The following SETX variants were observed in gnomAD, a reference collection of about 807,000 sequenced individuals.
SETX encodes helicase senataxin.
SETX carries 90 observed loss-of-function variants against 227.2 expected under a neutral mutation model. The observed-to-expected ratio is 0.40, with a 90% CI of 0.33 to 0.47. SETX has a LOEUF of 0.47. Among genes scored for constraint, SETX ranks in the 20% least tolerant of loss-of-function variants. The pLI is 0.91. For missense variants in SETX, 3,052 were observed against 3,181.5 expected, an observed-to-expected ratio of 0.96 and a Z score of 0.98; for synonymous variants, 1,210 against 1,113.2, an observed-to-expected ratio of 1.09 and a Z score of -1.73.
At chr9:132,340,105 T>A (rs2131526536) in intron 5 of SETX, among the ~76,000 whole-genome samples, 1 of 152,314 alleles carries the variant, frequency 6.6e-6, no homozygotes. Context: ...CTCTTGGCTG[T>A]ACCCACTGTA....
intron 25 of SETX, among the ~76,000 whole-genome samples, chr9:132,269,015 C>T (rs1842776222): frequency 6.6e-6 from 1 of 152,228 alleles, no homozygotes; most frequent in Admixed American, 6.5e-5. Flanking sequence ...ATGAGGAAAA[C>T]TACAAAGTTA....
chr9:132,304,291 A>G (rs1002166030), intron 11 of SETX, among the ~76,000 whole-genome samples: 3 of 152,190 alleles, frequency 2.0e-5, no homozygotes, highest in African/African-American at 7.2e-5. Flanking sequence ...TCTGAGGGAC[A>G]AGAGAAGAAG....
intron 10 of SETX, among the ~76,000 whole-genome samples, chr9:132,312,774 A>T (rs1845740151): frequency 6.6e-6 from 1 of 152,236 alleles, no homozygotes; most frequent in African/African-American, 2.4e-5. Context: ...CCATAGAATC[A>T]TCATCAAAAG....
Position 132,271,759 on chromosome 9 carries a change from A to G in SETX, c.7150T>C (p.Cys2384Arg). ...GCTCTGACACACGTAACAATAACAC[A>G]ATCCTTCTGCCGACCCTGGAATGCA... is the stretch of plus-strand genomic sequence containing the variant. ...VDAFQGRQKD[C>R]VIVTCVRANS... Residue 2384 changes from cysteine to arginine, a missense_variant, in exon 24 of 26, where the codon TGT becomes CGT. Physicochemically the swap from Cys to Arg is radical, Grantham distance 180. Coordinates refer to ENST00000224140, the MANE Select transcript of SETX (RefSeq NM_015046.7). 6.2e-7 allele frequency: 1 copy of G among 1,614,106 alleles called. No homozygotes were observed. Among genetic ancestry groups the G allele is most frequent in the African/African-American group, 1.3e-5 (1 of 74,996 alleles).
chr9:132,292,625 A>ATTT (rs529367112), intron 15 of SETX, among the ~76,000 whole-genome samples: 10 of 125,230 alleles, frequency 8.0e-5, no homozygotes, highest in Non-Finnish European at 1.2e-4. Flanking sequence ...TTCCCAACTC[A>ATTT]TTTTTTTTTT....
intron 15 of SETX, among the ~76,000 whole-genome samples, chr9:132,294,601 A>ATGT (rs1844557267): frequency 6.6e-6 from 1 of 152,246 alleles, no homozygotes; most frequent in Non-Finnish European, 1.5e-5. Flanking sequence ...TAAAGATGAC[A>ATGT]TGTTCCAGCC....
At chr9:132,266,156 A>T (rs1842639600) in intron 25 of SETX, 1 of 152,352 alleles carries the variant, frequency 6.6e-6, no homozygotes, top group Admixed American at 6.5e-5. Context: ...TACTGTTCAT[A>T]AAGGTATGTT....
Position 132,326,393 on chromosome 9 carries a change from G to C in SETX, c.5205C>G (p.Val1735=). 6.2e-7 allele frequency: 1 copy of C among 1,614,066 alleles called. No homozygotes were observed. Among genetic ancestry groups the C allele is most frequent in the Non-Finnish European group, 8.5e-7 (1 of 1,179,944 alleles). ...AATAATCTCCATAATTGTGAAATCTGACAGGCACAGGTCTTGAGATGGACT... is the reference window on the plus strand; with the variant it reads ...AATAATCTCCATAATTGTGAAATCTCACAGGCACAGGTCTTGAGATGGACT... The part of the protein sequence containing the change: ...LCQSISRPVP[V]RFHNYGDYFN... Residue 1735 remains valine (V), a synonymous_variant, in exon 10 of 26, where the codon GTC becomes GTG. Coordinates refer to ENST00000224140, the MANE Select transcript of SETX (RefSeq NM_015046.7).
chr9:132,348,388 A>AC (rs1848429562), intron 3 of SETX, among the ~76,000 whole-genome samples: 1 of 149,548 alleles, frequency 6.7e-6, no homozygotes, highest in Non-Finnish European at 1.5e-5. Context: ...CAAAAAAAAA[A>AC]CAACCCACTA....
At chr9:132,285,486 C>T (rs1009434122) in intron 18 of SETX, among the ~76,000 whole-genome samples, 1 of 152,156 alleles carries the variant, frequency 6.6e-6, no homozygotes, top group African/African-American at 2.4e-5. Flanking sequence ...GTGGCTCACG[C>T]CTGTAATGCC....
chr9:132,296,765 TA>T, intron 14 of SETX, 121 bp downstream of exon 14: 3 of 928,230 alleles, frequency 3.2e-6, no homozygotes, highest in Admixed American at 2.1e-5. Flanking sequence ...ACACACAATA[TA>T]AAAAATATAT....
intron 25 of SETX, among the ~76,000 whole-genome samples, chr9:132,265,877 C>A (rs2131120506): frequency 1.3e-5 from 2 of 152,288 alleles, no homozygotes; most frequent in East Asian, 3.9e-4. Flanking sequence ...AAGGCTTTCA[C>A]TGGATTTCTA....
chr9:132,315,602 T>C (rs972844083), intron 10 of SETX, among the ~76,000 whole-genome samples: 12 of 152,194 alleles, frequency 7.9e-5, no homozygotes, highest in Non-Finnish European at 5.9e-5. Context: ...GTGCCCCCTT[T>C]TTCCTGCTCC....
At chr9:132,338,281 C>T (rs1240175570) in intron 5 of SETX, among the ~76,000 whole-genome samples, 2 of 151,816 alleles carry the variant, frequency 1.3e-5, no homozygotes, top group East Asian at 1.9e-4. Context: ...TTAGTAGAGA[C>T]GGGGTTTCAC....
chr9:132,292,688 G>T lies in SETX; in HGVS notation c.6106+3184C>A, dbSNP rs991824490. Among the ~76,000 whole-genome samples, 6 of 144,424 alleles carry T rather than the reference G, an allele frequency of 4.2e-5. No individual in the cohort carries two copies. In the South Asian group the frequency reaches 6.5e-4, roughly 16 times the overall value. 94.7% of individuals were successfully genotyped at this position (144,424 alleles called of 152,430 possible). On this transcript the variant is annotated intron_variant, in intron 15 of 25. Coordinates refer to ENST00000224140, the MANE Select transcript of SETX (RefSeq NM_015046.7). Reference sequence around the variant, plus strand: ...TCTGTCACCCAGGCTGGAGTGCAGTGGCGCGATCTCAGCTCACTGCAAGCT... The same window carrying T: ...TCTGTCACCCAGGCTGGAGTGCAGTTGCGCGATCTCAGCTCACTGCAAGCT...
rs1218845849 is a variant in SETX, at chr9:132,328,686, G to A, written c.2912C>T (p.Ala971Val). 1.2e-6 allele frequency: 2 copies of A among 1,613,812 alleles called. No individual in the cohort carries two copies. The highest frequency in any genetic ancestry group is 1.3e-5 in the African/African-American group (1 of 75,034). Residue 971 changes from alanine to valine, a missense_variant, in exon 10 of 26, where the codon GCC becomes GTC. Ala to Val is a moderately conservative substitution (Grantham distance 64). This residue lies in a region of SETX where 1,483 missense variants were observed against 1,312.0 expected (regional missense o/e 1.13). Coordinates refer to ENST00000224140, the MANE Select transcript of SETX (RefSeq NM_015046.7). ...ATCGGATGGGAACGTAATAACACTG[G>A]CTTGAGCTAGTAAAGATAATTTGTG... ...DLHKLSLLAQ[A>V]SVITFPSDSP...
In SETX at chr9:132,262,939, G is replaced by A. The variant is rs570563075; in HGVS notation, c.*1300C>T. On this transcript the variant is annotated 3_prime_UTR_variant, in exon 26 of 26. Transcript: ENST00000224140. ...TGTTTAGGATACTCCAGTTCACTGC[G>A]TGGATATTTGGAAAACTGGACAAAA... 4.6e-5 allele frequency: 7 copies of A among 152,242 alleles called. No homozygotes were observed. The highest frequency in any genetic ancestry group is 1.2e-4 in the African/African-American group (5 of 41,542). 9.4% of individuals were successfully genotyped at this position (152,242 alleles called of 1,614,324 possible).
chr9:132,289,825 C>T (rs2131253824), intron 15 of SETX, among the ~76,000 whole-genome samples: 1 of 152,330 alleles, frequency 6.6e-6, no homozygotes, highest in Admixed American at 6.5e-5. Context: ...ATTTTAATCT[C>T]AGGTTAACAC....
chr9:132,290,520 A>C (rs969841939), intron 15 of SETX, among the ~76,000 whole-genome samples: 12 of 139,168 alleles, frequency 8.6e-5, no homozygotes, highest in African/African-American at 3.0e-4. Flanking sequence ...GGTTGCGGTG[A>C]GCTGAAATCG....
Sources: gnomAD v4.1 joint callset for allele counts (sites outside exome capture counted in the v4.1 genomes callset) on GRCh38, gnomAD v4.1.1 for gene constraint, gnomAD v4.1.1 regional missense constraint, MANE v1.5 for transcripts, NCBI Gene and HGNC (gene_info 2026-07-23, HGNC 2026-07-21) for gene names.